DNAH6: variants seen among roughly 807,000 people sequenced by gnomAD.
The protein encoded by DNAH6 is dynein axonemal heavy chain 6.
DNAH6 carries 340 observed loss-of-function variants against 491.4 expected under a neutral mutation model. That is an observed-to-expected ratio of 0.69 (90% confidence interval 0.63 to 0.76). The LOEUF (loss-of-function observed/expected upper bound fraction) is 0.76. Ranked by LOEUF, DNAH6 falls within the 30% of genes least tolerant of loss-of-function variation. The pLI, the probability that DNAH6 is intolerant of heterozygous loss-of-function variation, is 0.00. For missense variants in DNAH6, 4,443 were observed against 4,972.2 expected, an observed-to-expected ratio of 0.89 and a Z score of 3.20; for synonymous variants, 1,603 against 1,686.1, an observed-to-expected ratio of 0.95 and a Z score of 1.21.
intron 11 of DNAH6, among the ~76,000 whole-genome samples, chr2:84,570,907 G>T (rs1265783596): frequency 1.3e-5 from 2 of 152,126 alleles, no homozygotes; most frequent in Admixed American, 6.5e-5. Flanking sequence ...CTTCACTAAT[G>T]AAGTCAGCAA....
At chr2:84,666,423 T>G (rs1420083345) in intron 37 of DNAH6, among the ~76,000 whole-genome samples, 1 of 152,148 alleles carries the variant, frequency 6.6e-6, no homozygotes, top group African/African-American at 2.4e-5. Context: ...ACAAAATCAA[T>G]GTGCTAAAAT....
At chr2:84,586,972 G>A (rs72941013) in intron 15 of DNAH6, among the ~76,000 whole-genome samples, 1,696 of 151,992 alleles carry the variant, frequency 0.011, 27 homozygotes, top group African/African-American at 0.037. Flanking sequence ...TTTTATTTTG[G>A]GTTCAGGGAT....
chr2:84,493,931 G>T, the DNAH6 span, among the ~76,000 whole-genome samples: 1 of 152,200 alleles, frequency 6.6e-6, no homozygotes, highest in African/African-American at 2.4e-5. Context: ...CCCCACCAAG[G>T]CACACAAGGT....
Position 84,624,309 on chromosome 2 carries a change from A to G in DNAH6, c.4116A>G (p.Lys1372=). ...CAATAGTTCAAGGCAGTCTTCCTAAATTACACAGAAACATCCTAACTGCAT... is the reference window on the plus strand; with the variant it reads ...CAATAGTTCAAGGCAGTCTTCCTAAGTTACACAGAAACATCCTAACTGCAT... The part of the protein sequence containing the change: ...LAAIVQGSLP[K]LHRNILTALI... The change falls in exon 27 of 77, where the codon AAA becomes AAG. Residue 1372 remains lysine, a synonymous_variant. Coordinates refer to ENST00000389394, the MANE Select transcript of DNAH6 (RefSeq NM_001370.2). 2 of 1,551,320 alleles carry G rather than the reference A, an allele frequency of 1.3e-6. No homozygotes were observed. The highest frequency in any genetic ancestry group is 1.7e-6 in the Non-Finnish European group (2 of 1,146,742).
Position 84,722,725 on chromosome 2 carries a change from G to A in DNAH6, c.9893G>A (p.Gly3298Asp). ...REKYRPVATQ[G>D]SVMYFVIASL... ...AAGTATCGTCCAGTGGCCACTCAAG[G>A]CTCTGTAATGTACTTTGTCATTGCA... The change falls in exon 60 of 77, where the codon GGC (glycine) becomes GAC (aspartate). Residue 3298 changes from glycine to aspartate, a missense_variant. Around this residue, in one of 3 missense-constraint regions of DNAH6, gnomAD observed 1,463 missense variants for 1,656.6 expected, o/e 0.88. Transcript: ENST00000389394. 1 of 1,547,636 alleles carries A rather than the reference G, an allele frequency of 6.5e-7. No individual in the cohort carries two copies. Among genetic ancestry groups the A allele is most frequent in the Non-Finnish European group, 8.7e-7 (1 of 1,145,654 alleles).
At chr2:84,583,372 A>G (rs926251258) in intron 14 of DNAH6, among the ~76,000 whole-genome samples, 2 of 152,228 alleles carry the variant, frequency 1.3e-5, no homozygotes, top group African/African-American at 4.8e-5. Context: ...ACTGTTTAAT[A>G]CAACAAAAGA....
In DNAH6 at chr2:84,781,502, A is replaced by C; in HGVS notation, c.10713A>C (p.Ser3571=). The C allele has an allele frequency of 6.5e-7, 1 of 1,549,742 alleles. No homozygotes were observed. Among genetic ancestry groups the C allele is most frequent in the Non-Finnish European group, 8.7e-7 (1 of 1,145,582 alleles). ...TTGCTGTTCAATTCAGGGTGCAGTCAATTTCACTGGGGCAAGGACAAGGAC... is the reference window on the plus strand; with the variant it reads ...TTGCTGTTCAATTCAGGGTGCAGTCCATTTCACTGGGGCAAGGACAAGGAC... The part of the protein sequence containing the change: ...RESGYSERVQ[S]ISLGQGQGPI... The change falls in exon 65 of 77, where the codon TCA becomes TCC. Residue 3571 remains serine (S), a synonymous_variant. Coordinates refer to ENST00000389394, the MANE Select transcript of DNAH6 (RefSeq NM_001370.2).
At chr2:84,495,763 A>G in the DNAH6 span, among the ~76,000 whole-genome samples, 1 of 152,206 alleles carries the variant, frequency 6.6e-6, no homozygotes, top group Non-Finnish European at 1.5e-5. Context: ...ACGATATCAC[A>G]AACCCCTCAG....
intron 75 of DNAH6, 103 bp from the exon 76 acceptor site, chr2:84,815,758 G>C (rs1290549215): frequency 4.7e-6 from 4 of 844,346 alleles, no homozygotes; most frequent in Non-Finnish European, 7.4e-6. Flanking sequence ...TGTATAGAGT[G>C]TTTTTTAGAA....
chr2:84,780,235 G>A (rs995295418), intron 64 of DNAH6, among the ~76,000 whole-genome samples: 11 of 152,118 alleles, frequency 7.2e-5, no homozygotes, highest in Admixed American at 7.2e-4. Flanking sequence ...TATGTTACCC[G>A]AGTTGTTTAC....
chr2:84,489,396 G>T, the DNAH6 span, among the ~76,000 whole-genome samples: 1 of 151,992 alleles, frequency 6.6e-6, no homozygotes, highest in Non-Finnish European at 1.5e-5. Flanking sequence ...TAAAAGATAT[G>T]TATCATATCT....
chr2:84,786,101 AGAATGAATGAAT>A (rs3062234), intron 67 of DNAH6, among the ~76,000 whole-genome samples: 2,742 of 150,356 alleles, frequency 0.018, 62 homozygotes, highest in African/African-American at 0.06. Context: ...AGAGAAAGAA[AGAATGAATGAAT>A]GAATGAATGA....
At position 84,593,963 on chromosome 2, in the gene DNAH6, T is replaced by A. The variant is rs1022524532; in HGVS notation, c.2611-9T>A. The A allele has an allele frequency of 4.0e-6, 6 of 1,512,812 alleles. No individual in the cohort carries two copies. Among genetic ancestry groups the A allele is most frequent in the Admixed American group, 2.1e-5 (1 of 48,718 alleles). 93.7% of individuals were successfully genotyped at this position (1,512,812 alleles called of 1,614,324 possible). A position where few individuals can be genotyped will look rare whatever the true frequency, so the allele number is the denominator to read the frequency against. Reference sequence around the variant, plus strand: ...TAAATTACGCATTTTGTTTACTACATTTTTAAAGGTAGAAGTGTCCAAGTT... The same window carrying A: ...TAAATTACGCATTTTGTTTACTACAATTTTAAAGGTAGAAGTGTCCAAGTT... On this transcript the variant is annotated splice_polypyrimidine_tract_variant and intron_variant, in intron 16 of 76. Transcript: ENST00000389394.
chr2:84,587,355 C>T (rs930673706), intron 15 of DNAH6, among the ~76,000 whole-genome samples: 2 of 148,286 alleles, frequency 1.3e-5, no homozygotes, highest in East Asian at 3.8e-4. Flanking sequence ...CAATCTGATA[C>T]TGATTGGCAT....
At chr2:84,777,028 A>C (rs1372807347) in intron 64 of DNAH6, among the ~76,000 whole-genome samples, 2 of 152,180 alleles carry the variant, frequency 1.3e-5, no homozygotes, top group African/African-American at 4.8e-5. Flanking sequence ...TCTCACTCAT[A>C]GGTGGGAATT....
chr2:84,532,332 T>C (rs1677254438), intron 4 of DNAH6, among the ~76,000 whole-genome samples: 1 of 152,216 alleles, frequency 6.6e-6, no homozygotes, highest in Admixed American at 6.5e-5. Context: ...TGGTTTGTTA[T>C]CATTATTGCA....
In DNAH6 at chr2:84,573,874, G is replaced by A. The variant is rs574520212; in HGVS notation, c.1924+287G>A. Reference sequence around the variant, plus strand: ...TATCAGTGCTAAGAGTATATAGCCTGCATATGAGAAGTTGTTGAAAGGAAT... The same window carrying A: ...TATCAGTGCTAAGAGTATATAGCCTACATATGAGAAGTTGTTGAAAGGAAT... On this transcript the variant is annotated intron_variant, in intron 12 of 76. Transcript: ENST00000389394. 2.6e-5 allele frequency among the ~76,000 whole-genome samples: 4 copies of A among 152,278 alleles called. No individual in the cohort carries two copies. The South Asian group carries it at 8.3e-4, about 32-fold the overall frequency.
At chr2:84,647,198 A>G (rs567470164) in intron 33 of DNAH6, among the ~76,000 whole-genome samples, 1 of 152,292 alleles carries the variant, frequency 6.6e-6, no homozygotes, top group South Asian at 2.1e-4. Flanking sequence ...GCTAGCTTCA[A>G]ACTTCTTTCC....
At chr2:84,770,213 G>T (rs1035172073) in intron 64 of DNAH6, among the ~76,000 whole-genome samples, 1 of 152,062 alleles carries the variant, frequency 6.6e-6, no homozygotes, top group African/African-American at 2.4e-5. Context: ...ACAAACCAAA[G>T]ACAGCAACAA....
Sources: allele counts gnomAD v4.1 joint callset (sites outside exome capture counted in the v4.1 genomes callset), GRCh38; gene constraint gnomAD v4.1.1; regional missense constraint gnomAD v4.1.1; transcripts MANE v1.5; gene names NCBI Gene and HGNC (gene_info 2026-07-23, HGNC 2026-07-21).